The following CR1L variants were observed in gnomAD, a reference collection of about 807,000 sequenced individuals.
CR1L encodes the protein complement C3b/C4b receptor 1 like, also known as complement component receptor 1-like protein.
A neutral mutation model predicts 62.3 loss-of-function variants in CR1L; 59 were observed. The observed-to-expected ratio is 0.95, with a 90% CI of 0.77 to 1.18. The LOEUF is 1.18. CR1L is among the 50% of genes most tolerant of loss of function. CR1L has a pLI of 0.00. For synonymous variants in CR1L, 279 were observed against 248.7 expected (o/e 1.12, Z -1.15); for missense variants, 700 against 702.8 (o/e 1.00, Z 0.04).
intron 7 of CR1L, 62 bp from the exon 8 acceptor site, chr1:207,699,127 T>C (rs1664153236): frequency 3.7e-6 from 6 of 1,607,244 alleles, no homozygotes; most frequent in Non-Finnish European, 5.1e-6. Context: ...GGGCCTTAGA[T>C]TGTGAACTAA....
chr1:207,673,550 T>C (rs1429658274), intron 1 of CR1L, among the ~76,000 whole-genome samples: 3 of 152,196 alleles, frequency 2.0e-5, no homozygotes, highest in Non-Finnish European at 4.4e-5. Flanking sequence ...TTGCTTTGAA[T>C]GGAAGATCTG....
intron 1 of CR1L, among the ~76,000 whole-genome samples, chr1:207,662,982 G>A (rs1180003022): frequency 6.6e-6 from 1 of 151,952 alleles, no homozygotes; most frequent in Non-Finnish European, 1.5e-5. Context: ...AACTGCAAAT[G>A]CTGCTGCCTG....
At chr1:207,667,870 A>G (rs1663547036) in intron 1 of CR1L, among the ~76,000 whole-genome samples, 1 of 151,170 alleles carries the variant, frequency 6.6e-6, no homozygotes, top group African/African-American at 2.5e-5. Flanking sequence ...ACCTGAACAG[A>G]CATCACTCAA....
chr1:207,655,626 C>T (rs115126815), intron 1 of CR1L, among the ~76,000 whole-genome samples: 1,887 of 152,102 alleles, frequency 0.012, 21 homozygotes, highest in Non-Finnish European at 0.02. Context: ...TTTGTAGAGA[C>T]GTGGTTTTGC....
chr1:207,677,985 A>G (rs1485255516), intron 2 of CR1L, among the ~76,000 whole-genome samples: 1 of 152,240 alleles, frequency 6.6e-6, no homozygotes, highest in Non-Finnish European at 1.5e-5. Flanking sequence ...GGGAGGCATA[A>G]TATGGGGATG....
chr1:207,655,100 G>A (rs1303787116), intron 1 of CR1L: 11 of 333,442 alleles, frequency 3.3e-5, no homozygotes, highest in South Asian at 7.9e-5. Context: ...TTACTGCAGC[G>A]TAGAAAATAA....
intron 1 of CR1L, among the ~76,000 whole-genome samples, chr1:207,662,418 C>T (rs1663440196): frequency 6.6e-6 from 1 of 152,202 alleles, no homozygotes. Context: ...CTCTGATACC[C>T]TTTCTTCCAG....
intron 1 of CR1L, among the ~76,000 whole-genome samples, chr1:207,665,633 T>C (rs1279632500): frequency 6.6e-6 from 1 of 152,020 alleles, no homozygotes; most frequent in Non-Finnish European, 1.5e-5. Flanking sequence ...GACCTCGTGA[T>C]CCACCCGCCT....
chr1:207,721,106 G>A (rs1208397729), intron 11 of CR1L, among the ~76,000 whole-genome samples: 2 of 152,180 alleles, frequency 1.3e-5, no homozygotes, highest in Non-Finnish European at 2.9e-5. Flanking sequence ...TAGAGAAAGG[G>A]TGTAAATATC....
chr1:207,697,557 A>T lies in CR1L; in HGVS notation c.917A>T (p.Asp306Val). ...LHAERTQRDKDNFSPGQEVFY... is the reference protein window; with the variant it reads ...LHAERTQRDKVNFSPGQEVFY... The stretch of plus-strand genomic sequence containing the variant: ...GCTGAGCGTACCCAAAGGGACAAGG[A>T]CAACTTTTCACCCGGGCAGGAAGTG... Residue 306 changes from aspartate (D) to valine (V), a missense_variant, in exon 6 of 12, where the codon GAC becomes GTC. Transcript: ENST00000508064. 6.2e-7 allele frequency: 1 copy of T among 1,613,838 alleles called. No homozygotes were observed. Among genetic ancestry groups the T allele is most frequent in the Non-Finnish European group, 8.5e-7 (1 of 1,179,746 alleles).
intron 3 of CR1L, among the ~76,000 whole-genome samples, 164 bp downstream of exon 3, chr1:207,678,461 G>T (rs72644190): frequency 0.099 from 15,102 of 152,240 alleles, 1,190 homozygotes; most frequent in East Asian, 0.38. Context: ...ACAAAGGTAT[G>T]ACAAGATCAG....
intron 1 of CR1L, among the ~76,000 whole-genome samples, chr1:207,656,341 T>C (rs1247773078): frequency 6.6e-6 from 1 of 152,110 alleles, no homozygotes; most frequent in East Asian, 1.9e-4. Context: ...ATTTAGAAAA[T>C]GGATATATTT....
At chr1:207,686,532 T>C (rs1399746650) in intron 4 of CR1L, among the ~76,000 whole-genome samples, 2 of 152,322 alleles carry the variant, frequency 1.3e-5, no homozygotes, top group East Asian at 3.9e-4. Flanking sequence ...GAGTACATTT[T>C]TGAAAGGCAA....
intron 1 of CR1L, among the ~76,000 whole-genome samples, chr1:207,665,130 T>A (rs914673464): frequency 8.5e-5 from 13 of 152,182 alleles, no homozygotes; most frequent in Non-Finnish European, 1.2e-4. Flanking sequence ...CTCGGCTCAC[T>A]GCAAGCTCTG....
rs548436464 is a variant in CR1L, at chr1:207,710,357, G to A, written c.1414+2094G>A. ...GACTCTGTCCCAAGGTTTTGTTTTG[G>A]TGAACTTGCGGTCTCTTTTCCCAGG... On this transcript the variant is annotated intron_variant, in intron 10 of 11. Coordinates refer to ENST00000508064, the MANE Select transcript of CR1L (RefSeq NM_175710.2). 8.4e-5 allele frequency: 112 copies of A among 1,327,118 alleles called. 1 individual carries two copies. The Middle Eastern group carries it at 1.3e-3, about 16-fold the overall frequency. The allele number at this position is 1,327,118 out of a possible 1,614,324, so 82.2% of individuals were successfully genotyped here.
intron 4 of CR1L, among the ~76,000 whole-genome samples, chr1:207,689,181 T>A (rs1663957561): frequency 6.6e-6 from 1 of 152,134 alleles, no homozygotes; most frequent in South Asian, 2.1e-4. Context: ...AAAAGATTTA[T>A]CATGAATGTT....
rs1312459136 is a variant in CR1L at position 207,657,086 on chromosome 1, C to T, written c.97+11756C>T. 1.4e-5 allele frequency: 9 copies of T among 637,434 alleles called. No individual in the cohort carries two copies. In the East Asian group the frequency reaches 2.5e-4, roughly 17 times the overall value. The allele number at this position is 637,434 out of a possible 1,614,324, so 39.5% of individuals were successfully genotyped here. On this transcript the variant is annotated intron_variant, in intron 1 of 11. Transcript: ENST00000508064. ...GAAATTTTACTAATGCTGCCTTAATCTTTTACATTTCTTTCCTCTTTTTCT... is the reference window on the plus strand; with the variant it reads ...GAAATTTTACTAATGCTGCCTTAATTTTTTACATTTCTTTCCTCTTTTTCT...
At position 207,692,513 on chromosome 1, in the gene CR1L, G is replaced by A. The variant is rs12071859; in HGVS notation, c.464-1840G>A. On this transcript the variant is annotated intron_variant, in intron 4 of 11. Coordinates refer to ENST00000508064, the MANE Select transcript of CR1L (RefSeq NM_175710.2). ...GCTAGATAAAACCTACTTGACTAGC[G>A]TCCCTGCCCTCTGTGCCCTGCATGG... is the stretch of plus-strand genomic sequence containing the variant. Among the ~76,000 whole-genome samples the A allele has an allele frequency of 6.0e-3, 920 of 152,260 alleles. 6 individuals carry two copies. Among genetic ancestry groups the A allele is most frequent in the African/African-American group, 0.021 (865 of 41,560 alleles).
At chr1:207,668,755 T>C (rs1254531256) in intron 1 of CR1L, among the ~76,000 whole-genome samples, 13 of 151,034 alleles carry the variant, frequency 8.6e-5, no homozygotes, top group Non-Finnish European at 1.8e-4. Context: ...CCAATATCTT[T>C]GTTAATTGTC....
Sources: gnomAD v4.1 joint callset for allele counts (sites outside exome capture counted in the v4.1 genomes callset) on GRCh38, gnomAD v4.1.1 for gene constraint, MANE v1.5 for transcripts, NCBI Gene and HGNC (gene_info 2026-07-23, HGNC 2026-07-21) for gene names.